The following SLC24A3 variants were observed in gnomAD, a reference collection of about 807,000 sequenced individuals.
The protein encoded by SLC24A3 is sodium/potassium/calcium exchanger 3.
A neutral mutation model predicts 75.8 loss-of-function variants in SLC24A3; 28 were observed. The observed-to-expected ratio is 0.37, with a 90% CI of 0.27 to 0.51. SLC24A3 has a LOEUF of 0.51. SLC24A3 is among the 20% of genes least tolerant of loss of function. SLC24A3 has a pLI of 0.94. For synonymous variants in SLC24A3, 372 were observed against 334.1 expected, an observed-to-expected ratio of 1.11 and a Z score of -1.24; for missense variants, 663 against 847.8, an observed-to-expected ratio of 0.78 and a Z score of 2.71.
intron 3 of SLC24A3, among the ~76,000 whole-genome samples, chr20:19,536,868 A>C (rs2030408080): frequency 6.6e-6 from 1 of 152,196 alleles, no homozygotes; most frequent in Admixed American, 6.5e-5. Context: ...CTTATACAAA[A>C]ATTAATTCAA....
chr20:19,556,839 T>A (rs1024742194), intron 3 of SLC24A3, among the ~76,000 whole-genome samples: 1 of 152,202 alleles, frequency 6.6e-6, no homozygotes, highest in African/African-American at 2.4e-5. Context: ...CAGGCAATCA[T>A]GAGGTCTGCA....
At chr20:19,675,880 G>A (rs1422492792) in intron 9 of SLC24A3, among the ~76,000 whole-genome samples, 1 of 152,140 alleles carries the variant, frequency 6.6e-6, no homozygotes, top group East Asian at 1.9e-4. Flanking sequence ...AAGTGGGGAA[G>A]CCTCAAACTA....
At position 19,693,276 on chromosome 20, in the gene SLC24A3, G is replaced by A. The variant is rs1247796655; in HGVS notation, c.1342G>A (p.Val448Met). 2 of 1,612,736 alleles carry A rather than the reference G, an allele frequency of 1.2e-6. No individual in the cohort carries two copies. Among genetic ancestry groups the A allele is most frequent in the Non-Finnish European group, 1.7e-6 (2 of 1,179,466 alleles). Residue 448 changes from valine (V) to methionine (M), a missense_variant, in exon 13 of 17, where the codon GTG becomes ATG. Physicochemically the swap from Val to Met is conservative, Grantham distance 21. Transcript: ENST00000328041. ...FDTPSGKLET[V>M]KWAFTWPLSF... is the part of the protein sequence containing the mutation. ...TTTTCCAGCGGGTAAACTGGAAACA[G>A]TGAAATGGGCGTTCACCTGGCCGCT... is the stretch of plus-strand genomic sequence containing the variant.
At chr20:19,530,278 A>T (rs2030273052) in intron 3 of SLC24A3, among the ~76,000 whole-genome samples, 1 of 152,192 alleles carries the variant, frequency 6.6e-6, no homozygotes, top group South Asian at 2.1e-4. Flanking sequence ...CATGACATAG[A>T]TAAACCGTAC....
intron 6 of SLC24A3, among the ~76,000 whole-genome samples, chr20:19,600,911 T>C (rs1163148761): frequency 6.6e-6 from 1 of 152,148 alleles, no homozygotes; most frequent in Non-Finnish European, 1.5e-5. Context: ...TCCCCCCACT[T>C]CTGCCTCCCA....
intron 3 of SLC24A3, among the ~76,000 whole-genome samples, chr20:19,565,367 C>A (rs2030939062): frequency 6.6e-6 from 1 of 151,512 alleles, no homozygotes; most frequent in Non-Finnish European, 1.5e-5. Flanking sequence ...CACCAGGAGG[C>A]ACTGAGAGTG....
intron 2 of SLC24A3, among the ~76,000 whole-genome samples, chr20:19,304,269 T>G (rs1159604340): frequency 1.3e-5 from 2 of 152,210 alleles, no homozygotes; most frequent in Non-Finnish European, 2.9e-5. Flanking sequence ...AGGGATGGGA[T>G]GGCATCATGG....
chr20:19,395,954 C>A (rs1318431311), intron 2 of SLC24A3, among the ~76,000 whole-genome samples: 1 of 152,082 alleles, frequency 6.6e-6, no homozygotes, highest in Non-Finnish European at 1.5e-5. Context: ...AGGACCCACA[C>A]CCTCCAAACC....
chr20:19,472,285 T>C (rs1057198323), intron 2 of SLC24A3, among the ~76,000 whole-genome samples: 7 of 152,222 alleles, frequency 4.6e-5, no homozygotes, highest in African/African-American at 1.7e-4. Flanking sequence ...AAAAAATGCA[T>C]GGGTGGTCAA....
chr20:19,445,891 T>C (rs1987374775), intron 2 of SLC24A3, among the ~76,000 whole-genome samples: 1 of 152,164 alleles, frequency 6.6e-6, no homozygotes, highest in Non-Finnish European at 1.5e-5. Context: ...TTTAGCTTAT[T>C]TAGTAGGTAT....
chr20:19,678,370 GC>G (rs1424090375), intron 9 of SLC24A3, among the ~76,000 whole-genome samples: 1 of 128,262 alleles, frequency 7.8e-6, no homozygotes, highest in Non-Finnish European at 1.7e-5. Context: ...GGACGGGGCG[GC>G]TGGCCGGGCA....
At chr20:19,413,173 C>G (rs1986774261) in intron 2 of SLC24A3, among the ~76,000 whole-genome samples, 1 of 152,192 alleles carries the variant, frequency 6.6e-6, no homozygotes, top group South Asian at 2.1e-4. Context: ...GACTAGAAGT[C>G]TTCCAGAATT....
At chr20:19,651,860 CAAA>C (rs11473740) in intron 6 of SLC24A3, among the ~76,000 whole-genome samples, 2 of 120,124 alleles carry the variant, frequency 1.7e-5, no homozygotes, top group Non-Finnish European at 1.7e-5. Flanking sequence ...GACTCCATCT[CAAA>C]AAAAAAAAAA....
intron 3 of SLC24A3, among the ~76,000 whole-genome samples, chr20:19,567,984 A>G (rs2030987581): frequency 6.6e-6 from 1 of 150,916 alleles, no homozygotes; most frequent in Non-Finnish European, 1.5e-5. Flanking sequence ...ACTTGAATAG[A>G]CTTTTCTGCA....
At chr20:19,317,744 G>A (rs1342710207) in intron 2 of SLC24A3, among the ~76,000 whole-genome samples, 5 of 152,188 alleles carry the variant, frequency 3.3e-5, no homozygotes, top group Non-Finnish European at 5.9e-5. Context: ...AAATAGAATT[G>A]CTTGTCTGGG....
intron 2 of SLC24A3, among the ~76,000 whole-genome samples, chr20:19,456,073 C>T (rs962373667): frequency 2.6e-5 from 4 of 152,128 alleles, no homozygotes; most frequent in African/African-American, 9.7e-5. Context: ...CTCCACAAGT[C>T]CTATGTTTGC....
chr20:19,652,210 C>T (rs1449995452), intron 6 of SLC24A3, among the ~76,000 whole-genome samples: 3 of 152,024 alleles, frequency 2.0e-5, no homozygotes, highest in East Asian at 1.9e-4. Flanking sequence ...ATGTCCTGAT[C>T]GAAAAAACCC....
chr20:19,416,940 A>C (rs1029431186), intron 2 of SLC24A3, among the ~76,000 whole-genome samples: 1 of 152,250 alleles, frequency 6.6e-6, no homozygotes, highest in Non-Finnish European at 1.5e-5. Flanking sequence ...GAAGGGGAGC[A>C]GTTAACCTAA....
At chr20:19,226,362 C>A (rs79908962) in intron 1 of SLC24A3, among the ~76,000 whole-genome samples, 1 of 151,996 alleles carries the variant, frequency 6.6e-6, no homozygotes, top group Non-Finnish European at 1.5e-5. Context: ...ACACAAGATA[C>A]GGACCTGTAA....
Sources: gnomAD v4.1 joint callset for allele counts (sites outside exome capture counted in the v4.1 genomes callset) on GRCh38, gnomAD v4.1.1 for gene constraint, MANE v1.5 for transcripts, NCBI Gene and HGNC (gene_info 2026-07-23, HGNC 2026-07-21) for gene names.